Variants in ELAVL2 observed in about 807,000 individuals in gnomAD.
ELAVL2 encodes ELAV like RNA binding protein 2.
ELAVL2 carries 4 observed loss-of-function variants against 34.6 expected under a neutral mutation model. The observed-to-expected ratio is 0.12, with a 90% CI of 0.06 to 0.26. The LOEUF is 0.26. Among genes scored for constraint, ELAVL2 ranks in the 10% least tolerant of loss-of-function variants. The pLI, the probability that ELAVL2 is intolerant of heterozygous loss-of-function variation, is 1.00. For missense variants in ELAVL2, 432 were observed against 442.8 expected, an observed-to-expected ratio of 0.98 and a Z score of 0.22; for synonymous variants, 193 against 154.8, an observed-to-expected ratio of 1.25 and a Z score of -1.83.
the ELAVL2 span, among the ~76,000 whole-genome samples, chr9:23,848,374 T>C: frequency 2.0e-5 from 3 of 152,240 alleles, no homozygotes; most frequent in Admixed American, 6.5e-5. Flanking sequence ...TCACAAATGT[T>C]ACTAAATTGA....
intron 3 of ELAVL2, among the ~76,000 whole-genome samples, chr9:23,726,848 A>C (rs1407757192): frequency 6.6e-6 from 1 of 152,120 alleles, no homozygotes; most frequent in African/African-American, 2.4e-5. Context: ...CTAAAAATAA[A>C]ATGAGTAGAG....
intron 2 of ELAVL2, among the ~76,000 whole-genome samples, chr9:23,754,309 A>G (rs1022239643): frequency 7.2e-5 from 11 of 152,194 alleles, no homozygotes; most frequent in Non-Finnish European, 1.2e-4. Context: ...GCAACTAGCC[A>G]TTAAAGGCTT....
chr9:23,775,975 A>G (rs1038385712), intron 1 of ELAVL2, among the ~76,000 whole-genome samples: 8 of 152,210 alleles, frequency 5.3e-5, no homozygotes, highest in African/African-American at 1.9e-4. Flanking sequence ...CCAGTAAAAA[A>G]TATCAAGACA....
intron 3 of ELAVL2, among the ~76,000 whole-genome samples, chr9:23,708,208 T>C (rs1476084296): frequency 6.6e-6 from 1 of 152,160 alleles, no homozygotes; most frequent in East Asian, 1.9e-4. Flanking sequence ...AGTGATTAGA[T>C]TATATATAAA....
chr9:23,701,333 T>TC, intron 5 of ELAVL2, 46 bp downstream of exon 5: 4 of 1,594,870 alleles, frequency 2.5e-6, no homozygotes, highest in Non-Finnish European at 3.4e-6. Context: ...ACCTGAGTAT[T>TC]CTCTTTCAGT....
intron 1 of ELAVL2, among the ~76,000 whole-genome samples, chr9:23,822,438 A>G (rs1419321559): frequency 6.6e-6 from 1 of 152,126 alleles, no homozygotes; most frequent in East Asian, 1.9e-4. Context: ...GCTTGCCGCT[A>G]GCCGCATCCT....
chr9:23,829,607 C>T (rs2065435279), upstream of ELAVL2: 1 of 152,176 alleles, frequency 6.6e-6, no homozygotes, highest in African/African-American at 2.4e-5. Context: ...AGTTTAATGT[C>T]TGCATGAGAA....
Position 23,777,915 on chromosome 9 carries a change from G to A in ELAVL2, c.-15-15666C>T, listed in dbSNP as rs184380998. Among the ~76,000 whole-genome samples, 308 of 152,258 alleles carry A rather than the reference G, an allele frequency of 2.0e-3. 1 individual carries two copies. Among genetic ancestry groups the A allele is most frequent in the Non-Finnish European group, 3.3e-3 (225 of 68,014 alleles). ...TGAATCTTTTTTATCCACCAAGGTT[G>A]ACTACACATTAACTAAGACCTATTC... On this transcript the variant is annotated intron_variant, in intron 1 of 6. Coordinates refer to ENST00000397312, the MANE Select transcript of ELAVL2 (RefSeq NM_004432.5).
intron 3 of ELAVL2, among the ~76,000 whole-genome samples, chr9:23,710,971 G>C (rs542270984): frequency 6.6e-6 from 1 of 152,112 alleles, no homozygotes; most frequent in Non-Finnish European, 1.5e-5. Flanking sequence ...AGGAAGATGT[G>C]TACTTTGATC....
intron 1 of ELAVL2, among the ~76,000 whole-genome samples, chr9:23,823,106 C>T (rs72706965): frequency 0.13 from 19,557 of 152,280 alleles, 1,564 homozygotes; most frequent in Middle Eastern, 0.19. Context: ...ATACAGCTAA[C>T]TGATTCTATA....
chr9:23,756,726 G>T (rs566935131), intron 2 of ELAVL2, among the ~76,000 whole-genome samples: 10 of 152,252 alleles, frequency 6.6e-5, no homozygotes, highest in African/African-American at 2.2e-4. Flanking sequence ...ACTTTCCAAA[G>T]AATTAAGTAC....
At chr9:23,731,322 G>A (rs935943158) in intron 2 of ELAVL2, among the ~76,000 whole-genome samples, 197 bp from the exon 3 acceptor site, 2 of 149,722 alleles carry the variant, frequency 1.3e-5, no homozygotes, top group Admixed American at 1.4e-4. Context: ...TTAGAACTCA[G>A]CAAGCAGTGC....
At chr9:23,696,990 C>T (rs1349243729) in intron 5 of ELAVL2, among the ~76,000 whole-genome samples, 1 of 151,374 alleles carries the variant, frequency 6.6e-6, no homozygotes, top group East Asian at 1.9e-4. Context: ...TGCACTGAAC[C>T]CAGTACCTTC....
At chr9:23,729,344 T>C (rs2045992442) in intron 3 of ELAVL2, among the ~76,000 whole-genome samples, 1 of 152,064 alleles carries the variant, frequency 6.6e-6, no homozygotes, top group East Asian at 1.9e-4. Context: ...GAAATCAATA[T>C]AAATTGAGGA....
intron 1 of ELAVL2, among the ~76,000 whole-genome samples, chr9:23,774,794 T>C (rs1355509477): frequency 2.0e-5 from 3 of 152,102 alleles, no homozygotes; most frequent in African/African-American, 4.8e-5. Context: ...TCCAGGCATC[T>C]TGTACTTATA....
chr9:23,760,087 A>C (rs1454020687), intron 2 of ELAVL2, among the ~76,000 whole-genome samples: 1 of 151,842 alleles, frequency 6.6e-6, no homozygotes, highest in Non-Finnish European at 1.5e-5. Context: ...AGAGAGGCAA[A>C]GGAGGTGAAG....
rs1440446538 is a variant in ELAVL2 at position 23,766,360 on chromosome 9, AT to A, written c.-15-4112del. On this transcript the variant is annotated intron_variant, in intron 1 of 6. Transcript: ENST00000397312. ...AAAAAGTGCTTTACACCCATGAAAG[AT>A]TTTTCATAAGAACCCAACTGTAGTT... is the stretch of plus-strand genomic sequence containing the variant. Among the ~76,000 whole-genome samples, 12 of 152,250 alleles carry A rather than the reference AT, an allele frequency of 7.9e-5. No individual in the cohort carries two copies. In the East Asian group the frequency reaches 1.7e-3, roughly 22 times the overall value.
chr9:23,822,180 T>A (rs919855717), intron 1 of ELAVL2, among the ~76,000 whole-genome samples: 1 of 152,160 alleles, frequency 6.6e-6, no homozygotes, highest in Non-Finnish European at 1.5e-5. Flanking sequence ...TATGTGTTCA[T>A]AAATGTATTT....
the ELAVL2 span, among the ~76,000 whole-genome samples, chr9:23,841,863 T>C: frequency 6.6e-6 from 1 of 152,182 alleles, no homozygotes; most frequent in African/African-American, 2.4e-5. Flanking sequence ...GTATTTAACT[T>C]TCTAGTAAAT....
Sources: gnomAD v4.1 joint callset for allele counts (sites outside exome capture counted in the v4.1 genomes callset) on GRCh38, gnomAD v4.1.1 for gene constraint, MANE v1.5 for transcripts, NCBI Gene and HGNC (gene_info 2026-07-23, HGNC 2026-07-21) for gene names.